GPC6: variants seen among roughly 807,000 people sequenced by gnomAD.
GPC6 encodes the protein glypican 6.
In GPC6, 14 loss-of-function variants were observed where a neutral mutation model predicts 55.2. The ratio of observed to expected loss-of-function variants is 0.25; its 90% confidence interval spans 0.17 to 0.40. The LOEUF (loss-of-function observed/expected upper bound fraction) is 0.40. Among genes scored for constraint, GPC6 ranks in the 10% least tolerant of loss-of-function variants. The probability of loss-of-function intolerance (pLI) is 1.00; values close to 1 mark genes in which losing one functional copy is unlikely to be tolerated. For synonymous variants in GPC6, 278 were observed against 259.6 expected, an observed-to-expected ratio of 1.07 and a Z score of -0.68; for missense variants, 641 against 708.5, an observed-to-expected ratio of 0.90 and a Z score of 1.08.
chr13:94,086,477 TA>T (rs11323195), intron 4 of GPC6, among the ~76,000 whole-genome samples: 142,607 of 149,770 alleles, frequency 0.95, 68,195 homozygotes, highest in South Asian at 1. Context: ...TGTACATGAC[TA>T]AAAAAAAAAA....
intron 2 of GPC6, among the ~76,000 whole-genome samples, chr13:93,554,958 T>A (rs1309803937): frequency 1.3e-5 from 2 of 152,212 alleles, no homozygotes; most frequent in African/African-American, 4.8e-5. Flanking sequence ...TAGTTTACAG[T>A]CTTCACACTG....
At chr13:93,913,017 G>C (rs1877090661) in intron 3 of GPC6, among the ~76,000 whole-genome samples, 1 of 152,068 alleles carries the variant, frequency 6.6e-6, no homozygotes, top group Non-Finnish European at 1.5e-5. Flanking sequence ...ATTGTATTTA[G>C]AGCCCACACT....
intron 1 of GPC6, among the ~76,000 whole-genome samples, chr13:93,258,322 G>C (rs1877025320): frequency 6.6e-6 from 1 of 152,114 alleles, no homozygotes; most frequent in Admixed American, 6.5e-5. Flanking sequence ...AGGTAGCAGT[G>C]GCCAAATGGC....
At position 93,526,478 on chromosome 13, in the gene GPC6, T is replaced by C. The variant is rs535313973; in HGVS notation, c.161-18785T>C. The stretch of plus-strand genomic sequence containing the variant: ...GATCACAGAAGTAACAGACATATTA[T>C]AAATTGGGTTAAATGCTATCAATAT... On this transcript the variant is annotated intron_variant, in intron 1 of 8. Transcript: ENST00000377047. Among the ~76,000 whole-genome samples, 4 of 152,204 alleles carry C rather than the reference T, an allele frequency of 2.6e-5. No individual in the cohort carries two copies. The East Asian group carries it at 7.7e-4, about 29-fold the overall frequency.
chr13:94,088,411 G>A (rs936139214), intron 4 of GPC6, among the ~76,000 whole-genome samples: 1 of 151,984 alleles, frequency 6.6e-6, no homozygotes, highest in Non-Finnish European at 1.5e-5. Context: ...GTGGAGCCAG[G>A]CATGGTGGCT....
intron 3 of GPC6, among the ~76,000 whole-genome samples, chr13:93,856,625 T>C (rs1251849710): frequency 1.3e-5 from 2 of 151,628 alleles, no homozygotes; most frequent in East Asian, 3.9e-4. Flanking sequence ...AACCTAGATA[T>C]CCTGATGCCT....
chr13:94,072,292 T>C (rs1316425694), intron 4 of GPC6, among the ~76,000 whole-genome samples: 1 of 152,124 alleles, frequency 6.6e-6, no homozygotes, highest in South Asian at 2.1e-4. Context: ...AAACATAACG[T>C]CTTTTGCTTA....
At chr13:94,374,292 C>G (rs1301768729) in intron 6 of GPC6, among the ~76,000 whole-genome samples, 3 of 151,522 alleles carry the variant, frequency 2.0e-5, no homozygotes. Flanking sequence ...GAGTCAAGAC[C>G]CATCAGTGTG....
At chr13:93,304,482 T>C (rs1394252666) in intron 1 of GPC6, among the ~76,000 whole-genome samples, 1 of 152,226 alleles carries the variant, frequency 6.6e-6, no homozygotes, top group East Asian at 1.9e-4. Context: ...CTGTCTTAAC[T>C]TCCTCTTGGT....
intron 1 of GPC6, among the ~76,000 whole-genome samples, chr13:93,408,748 T>A (rs1391928287): frequency 6.6e-6 from 1 of 151,864 alleles, no homozygotes; most frequent in African/African-American, 2.4e-5. Context: ...CTAGGGAGTG[T>A]AAGAGAGGGA....
rs183450657 is a variant in GPC6 at position 93,319,243 on chromosome 13, G to A, written c.160+91627G>A. Among the ~76,000 whole-genome samples the A allele has an allele frequency of 1.7e-3, 253 of 152,168 alleles. 2 individuals carry two copies. Among genetic ancestry groups the A allele is most frequent in the African/African-American group, 5.7e-3 (237 of 41,498 alleles). ...CTTTGGTTGACAAGCTGCAGCCCTC[G>A]TGCATAGTGTTCCTAGGCTGTTTAT... On this transcript the variant is annotated intron_variant, in intron 1 of 8. Transcript: ENST00000377047.
chr13:93,700,661 T>G (rs1030002886), intron 2 of GPC6, among the ~76,000 whole-genome samples: 1 of 152,146 alleles, frequency 6.6e-6, no homozygotes, highest in African/African-American at 2.4e-5. Flanking sequence ...ATTGTCCTTG[T>G]AGTCTGCATA....
At chr13:94,141,518 A>G (rs1387177685) in intron 4 of GPC6, among the ~76,000 whole-genome samples, 1 of 152,142 alleles carries the variant, frequency 6.6e-6, no homozygotes, top group Non-Finnish European at 1.5e-5. Context: ...CTAAACTCCA[A>G]GAAGGAGGTA....
At chr13:94,251,000 G>T (rs979631982) in intron 4 of GPC6, among the ~76,000 whole-genome samples, 1 of 152,090 alleles carries the variant, frequency 6.6e-6, no homozygotes, top group African/African-American at 2.4e-5. Flanking sequence ...AGATGGAATT[G>T]CCTGACCAAG....
intron 3 of GPC6, among the ~76,000 whole-genome samples, chr13:94,001,050 G>A (rs932151892): frequency 3.9e-5 from 6 of 152,042 alleles, no homozygotes; most frequent in African/African-American, 1.2e-4. Context: ...CCTTAAAACA[G>A]GCATATTACC....
At chr13:93,697,382 A>T (rs768065682) in intron 2 of GPC6, among the ~76,000 whole-genome samples, 11 of 152,156 alleles carry the variant, frequency 7.2e-5, no homozygotes, top group Non-Finnish European at 5.9e-5. Context: ...TAAAATAGCC[A>T]TGCACCCTCA....
intron 2 of GPC6, among the ~76,000 whole-genome samples, chr13:93,629,693 G>A (rs1933786): frequency 0.019 from 2,826 of 152,232 alleles, 79 homozygotes; most frequent in African/African-American, 0.063. Flanking sequence ...AGTAAGTTCT[G>A]CTACTTCAAT....
At chr13:93,748,575 C>T (rs1594423616) in intron 2 of GPC6, among the ~76,000 whole-genome samples, 1 of 152,036 alleles carries the variant, frequency 6.6e-6, no homozygotes, top group South Asian at 2.1e-4. Context: ...TTTATGGCTT[C>T]ATATGCAGTT....
At chr13:93,262,334 T>A (rs924482839) in intron 1 of GPC6, among the ~76,000 whole-genome samples, 11 of 152,200 alleles carry the variant, frequency 7.2e-5, no homozygotes, top group African/African-American at 2.2e-4. Flanking sequence ...ATTTTAAAAA[T>A]GGGTGAAAGT....
Sources: allele counts gnomAD v4.1 joint callset (sites outside exome capture counted in the v4.1 genomes callset), GRCh38; gene constraint gnomAD v4.1.1; transcripts MANE v1.5; gene names NCBI Gene and HGNC (gene_info 2026-07-23, HGNC 2026-07-21).